The following STAG2 variants were observed in gnomAD, a reference collection of about 807,000 sequenced individuals.
STAG2 encodes cohesin subunit SA-2.
Under a neutral mutation model 108.1 loss-of-function variants are expected in STAG2, and 14 were observed. The observed-to-expected ratio is 0.13, with a 90% CI of 0.09 to 0.20. STAG2 has a LOEUF of 0.20. Among genes scored for constraint, STAG2 ranks in the 10% least tolerant of loss-of-function variants. STAG2 has a pLI of 1.00. For synonymous variants in STAG2, 307 were observed against 302.7 expected, an observed-to-expected ratio of 1.01 and a Z score of -0.15; for missense variants, 440 against 940.9, an observed-to-expected ratio of 0.47 and a Z score of 6.96.
intron 8 of STAG2, 33 bp downstream of exon 8, chrX:124,045,401 C>T: frequency 1.8e-6 from 2 of 1,085,952 alleles, no homozygotes; most frequent in Non-Finnish European, 2.5e-6. Flanking sequence ...TGCATATTGT[C>T]TTAGATTTGA....
chrX:124,034,901 T>C (rs865798269), intron 5 of STAG2, among the ~76,000 whole-genome samples: 1 of 101,133 alleles, frequency 9.9e-6, no homozygotes, highest in Non-Finnish European at 2.0e-5. Context: ...TTATTATTAT[T>C]ATTATCATTA....
intron 2 of STAG2, among the ~76,000 whole-genome samples, chrX:124,021,682 AT>A (rs2056931979): frequency 1.8e-5 from 2 of 111,620 alleles, no homozygotes; most frequent in African/African-American, 3.3e-5. Context: ...CAGATCTAAC[AT>A]TTTTTCCCCC....
chrX:124,039,096 C>T (rs760607391), intron 6 of STAG2, among the ~76,000 whole-genome samples: 42 of 108,463 alleles, frequency 3.9e-4, no homozygotes, highest in African/African-American at 1.0e-3. Context: ...CCAGAAATAA[C>T]GTAATGAGTT....
chrX:124,083,445 A>G lies in STAG2; in HGVS notation c.2949A>G (p.Lys983=), dbSNP rs749446650. 1.1e-5 allele frequency: 13 copies of G among 1,183,257 alleles called. No homozygotes were observed. Among genetic ancestry groups the G allele is most frequent in the South Asian group, 9.6e-5 (5 of 52,129 alleles). ...GAGATGGCATAGAATTTGCTTTTAA[A>G]GAGCCTAATCCGCAAGGGGAGAGCC... ...LHKDGIEFAF[K]EPNPQGESHP... The change falls in exon 29 of 35, where the codon AAA becomes AAG. Residue 983 remains lysine (K), a synonymous_variant. Transcript: ENST00000371145.
intron 34 of STAG2, chrX:124,097,577 C>G (rs748874686): frequency 1.9e-5 from 4 of 215,344 alleles, no homozygotes; most frequent in Non-Finnish European, 3.9e-5. Context: ...TCTAGTGCAC[C>G]TTGACTATCA....
chrX:123,964,733 A>G (rs1188165077), intron 1 of STAG2, among the ~76,000 whole-genome samples: 1 of 107,863 alleles, frequency 9.3e-6, no homozygotes, highest in African/African-American at 3.4e-5. Flanking sequence ...TTTTTTTTTA[A>G]CTGATAAGAA....
chrX:124,020,812 C>A (rs1428588056), intron 1 of STAG2, among the ~76,000 whole-genome samples: 2 of 112,416 alleles, frequency 1.8e-5, no homozygotes, highest in Admixed American at 1.9e-4. Flanking sequence ...GCTGGGACTA[C>A]AGGTGTGCAC....
At chrX:123,992,812 T>C (rs2147776493) in intron 1 of STAG2, among the ~76,000 whole-genome samples, 1 of 110,931 alleles carries the variant, frequency 9.0e-6, no homozygotes, top group African/African-American at 3.3e-5. Flanking sequence ...AGTGCTGGGG[T>C]TACAGGCGTG....
chrX:124,088,286 A>G (rs1229408359), intron 30 of STAG2, among the ~76,000 whole-genome samples: 1 of 110,675 alleles, frequency 9.0e-6, no homozygotes, highest in African/African-American at 3.3e-5. Flanking sequence ...TGGTATTTAT[A>G]TCACATTTTA....
intron 1 of STAG2, among the ~76,000 whole-genome samples, chrX:123,985,422 C>T (rs1296465804): frequency 1.6e-4 from 18 of 109,963 alleles, no homozygotes; most frequent in Admixed American, 1.4e-3. Context: ...GTAGAGATGG[C>T]GTCTTACTTT....
At chrX:124,035,756 ATG>A (rs10536976) in intron 5 of STAG2, among the ~76,000 whole-genome samples, 19,686 of 111,198 alleles carry the variant, frequency 0.18, 1,392 homozygotes, top group East Asian at 0.38. Flanking sequence ...TGGCCTTTCT[ATG>A]TGGCTACGGC....
intron 15 of STAG2, among the ~76,000 whole-genome samples, chrX:124,060,224 C>T (rs1278239573): frequency 9.0e-6 from 1 of 110,979 alleles, no homozygotes; most frequent in East Asian, 2.9e-4. Context: ...CTGCCTCCCA[C>T]GTTCAAGTGA....
chrX:123,969,780 G>A (rs1393979110), intron 1 of STAG2, among the ~76,000 whole-genome samples: 2 of 108,754 alleles, frequency 1.8e-5, no homozygotes, highest in Non-Finnish European at 3.8e-5. Context: ...CGAGTAGCTG[G>A]GACTACAGGC....
intron 1 of STAG2, among the ~76,000 whole-genome samples, chrX:124,020,702 T>A (rs1031945561): frequency 1.8e-5 from 2 of 111,443 alleles, no homozygotes; most frequent in Non-Finnish European, 3.8e-5. Context: ...AATAAGATTT[T>A]AAAATTTATG....
intron 1 of STAG2, among the ~76,000 whole-genome samples, chrX:123,971,119 G>T (rs753962272): frequency 8.9e-6 from 1 of 111,896 alleles, no homozygotes; most frequent in Non-Finnish European, 1.9e-5. Flanking sequence ...CTTAGTAAGC[G>T]GTAAGAAGGG....
intron 15 of STAG2, among the ~76,000 whole-genome samples, chrX:124,058,967 C>T (rs187779452): frequency 3.0e-4 from 33 of 111,777 alleles, no homozygotes; most frequent in Non-Finnish European, 5.6e-4. Context: ...CTTTTCCTCT[C>T]CAACATTTTT....
intron 29 of STAG2, 73 bp downstream of exon 29, chrX:124,083,622 C>G: frequency 1.1e-6 from 1 of 877,138 alleles, no homozygotes; most frequent in Non-Finnish European, 1.5e-6. Flanking sequence ...TACTTGGTTT[C>G]TCTCCTTTCT....
At chrX:124,022,720 A>G in intron 3 of STAG2, 49 bp downstream of exon 3, 5 of 875,767 alleles carry the variant, frequency 5.7e-6, no homozygotes, top group Non-Finnish European at 8.0e-6. Context: ...TTATTCCACA[A>G]AATGGGGAAT....
Position 124,045,372 on chromosome X carries a change from G to A in STAG2, c.667+4G>A, listed in dbSNP as rs1338358266. On this transcript the variant is annotated splice_donor_region_variant and intron_variant, in intron 8 of 34. Coordinates refer to ENST00000371145, the MANE Select transcript of STAG2 (RefSeq NM_001042750.2). Reference sequence around the variant, plus strand: ...CGACATACAAGCACCCTGGCAGGTCGGTATTTAGAAATATTTTCTGCATAT... The same window carrying A: ...CGACATACAAGCACCCTGGCAGGTCAGTATTTAGAAATATTTTCTGCATAT... The A allele has an allele frequency of 4.2e-6, 5 of 1,187,162 alleles. No individual in the cohort carries two copies. Among genetic ancestry groups the A allele is most frequent in the African/African-American group, 3.5e-5 (2 of 56,367 alleles).
Sources: gnomAD v4.1 joint callset for allele counts (sites outside exome capture counted in the v4.1 genomes callset) on GRCh38, gnomAD v4.1.1 for gene constraint, MANE v1.5 for transcripts, NCBI Gene and HGNC (gene_info 2026-07-23, HGNC 2026-07-21) for gene names.